The following TLE4 variants were observed in gnomAD, a reference collection of about 807,000 sequenced individuals.
TLE4 encodes the protein transducin-like enhancer protein 4.
TLE4 carries 8 observed loss-of-function variants against 92.8 expected under a neutral mutation model. The ratio of observed to expected loss-of-function variants is 0.09; its 90% confidence interval spans 0.05 to 0.16. The LOEUF is 0.16. TLE4 is among the 10% of genes least tolerant of loss of function. TLE4 has a pLI of 1.00. For synonymous variants in TLE4, 371 were observed against 374.1 expected, an observed-to-expected ratio of 0.99 and a Z score of 0.10; for missense variants, 675 against 997.6, an observed-to-expected ratio of 0.68 and a Z score of 4.36.
chr9:79,644,245 A>G (rs1008005198), intron 6 of TLE4, among the ~76,000 whole-genome samples: 4 of 152,068 alleles, frequency 2.6e-5, no homozygotes, highest in African/African-American at 7.2e-5. Context: ...CTGCCACGTG[A>G]AGAAGGGCAT....
intron 4 of TLE4, among the ~76,000 whole-genome samples, chr9:79,590,197 G>C (rs1044323290): frequency 1.3e-5 from 2 of 152,182 alleles, no homozygotes; most frequent in Admixed American, 1.3e-4. Flanking sequence ...AAAGTGGCTA[G>C]TGAAAAAACA....
intron 8 of TLE4, chr9:79,668,884 C>A: frequency 4.2e-6 from 4 of 959,014 alleles, no homozygotes; most frequent in Non-Finnish European, 5.0e-6. Flanking sequence ...AAAAGCATGT[C>A]AACAATGTAG....
intron 4 of TLE4, among the ~76,000 whole-genome samples, chr9:79,605,878 T>C (rs1271970217): frequency 1.3e-5 from 2 of 152,090 alleles, no homozygotes; most frequent in Non-Finnish European, 2.9e-5. Context: ...TTGACATTGC[T>C]TGTGGTATCA....
chr9:79,640,287 C>T (rs1449810918), intron 6 of TLE4, among the ~76,000 whole-genome samples: 2 of 151,880 alleles, frequency 1.3e-5, no homozygotes, highest in East Asian at 1.9e-4. Flanking sequence ...AAACAGGAAA[C>T]GAAGAAACAG....
At chr9:79,719,620 C>T (rs73652244) in intron 15 of TLE4, among the ~76,000 whole-genome samples, 7,376 of 152,154 alleles carry the variant, frequency 0.048, 438 homozygotes, top group African/African-American at 0.14. Flanking sequence ...CAGGGATCTA[C>T]CCCCTGAAAC....
chr9:79,634,767 T>C (rs1311031520), intron 6 of TLE4, among the ~76,000 whole-genome samples: 1 of 152,230 alleles, frequency 6.6e-6, no homozygotes, highest in African/African-American at 2.4e-5. Flanking sequence ...CCGAGGTTTC[T>C]TCTTTTACTT....
At chr9:79,603,577 A>G (rs377517151) in intron 4 of TLE4, among the ~76,000 whole-genome samples, 38 of 152,248 alleles carry the variant, frequency 2.5e-4, no homozygotes, top group African/African-American at 8.9e-4. Flanking sequence ...CATAACTTTT[A>G]TGTTTGTACT....
chr9:79,714,111 G>A (rs1240328208), intron 14 of TLE4, among the ~76,000 whole-genome samples: 4 of 151,974 alleles, frequency 2.6e-5, no homozygotes, highest in Non-Finnish European at 5.9e-5. Flanking sequence ...CATTCCCCTC[G>A]GCCTCCCAAA....
rs1013683322 is a variant in TLE4, at chr9:79,716,497, G to T, written c.1341-2225G>T. 4.6e-5 allele frequency among the ~76,000 whole-genome samples: 7 copies of T among 152,212 alleles called. No individual in the cohort carries two copies. In the East Asian group the frequency reaches 1.3e-3, roughly 29 times the overall value. On this transcript the variant is annotated intron_variant, in intron 14 of 19. Transcript: ENST00000376552. ...TGTTACCTGTTTTCCTCTCTAGGATGTAGACTAGTGGAAGGATAGGGACTT... is the reference window on the plus strand; with the variant it reads ...TGTTACCTGTTTTCCTCTCTAGGATTTAGACTAGTGGAAGGATAGGGACTT...
intron 5 of TLE4, among the ~76,000 whole-genome samples, chr9:79,623,857 G>T (rs920778482): frequency 2.6e-5 from 4 of 152,024 alleles, no homozygotes; most frequent in Non-Finnish European, 5.9e-5. Flanking sequence ...ATTTCATTTG[G>T]TGGTACTGGT....
chr9:79,594,127 C>T (rs933676090), intron 4 of TLE4, among the ~76,000 whole-genome samples: 1 of 152,170 alleles, frequency 6.6e-6, no homozygotes, highest in African/African-American at 2.4e-5. Flanking sequence ...TGATGTACAG[C>T]AAGGTTGAGG....
chr9:79,636,520 G>A (rs1053206426), intron 6 of TLE4, among the ~76,000 whole-genome samples: 3 of 152,002 alleles, frequency 2.0e-5, no homozygotes, highest in Non-Finnish European at 2.9e-5. Context: ...GTGTGTTCTC[G>A]ACTGAGGGTT....
chr9:79,711,702 C>G (rs1350814587), intron 14 of TLE4, among the ~76,000 whole-genome samples: 1 of 152,198 alleles, frequency 6.6e-6, no homozygotes, highest in Non-Finnish European at 1.5e-5. Context: ...CACAGCTGCT[C>G]TGACTCAGAT....
chr9:79,613,712 C>T lies in TLE4; in HGVS notation c.315+994C>T, dbSNP rs150700324. On this transcript the variant is annotated intron_variant, in intron 5 of 19. Transcript: ENST00000376552. Reference sequence around the variant, plus strand: ...GCTTTTCAGGAGAGAGGTTCATTCACCTGCTTGCCAGCGGGCATGTGCCAA... The same window carrying T: ...GCTTTTCAGGAGAGAGGTTCATTCATCTGCTTGCCAGCGGGCATGTGCCAA... Among the ~76,000 whole-genome samples the T allele has an allele frequency of 1.2e-4, 18 of 152,246 alleles. No individual in the cohort carries two copies. The East Asian group carries it at 3.5e-3, about 29-fold the overall frequency.
chr9:79,614,943 A>G (rs964355895), intron 5 of TLE4, among the ~76,000 whole-genome samples: 2 of 152,150 alleles, frequency 1.3e-5, no homozygotes, highest in Non-Finnish European at 2.9e-5. Context: ...ATGGTTTTCT[A>G]AATGCTAGTT....
chr9:79,679,328 G>A (rs1479740835), intron 8 of TLE4, among the ~76,000 whole-genome samples: 6 of 151,928 alleles, frequency 3.9e-5, no homozygotes, highest in African/African-American at 4.8e-5. Flanking sequence ...GGTGTGAGAT[G>A]GTATCTCATT....
chr9:79,628,898 G>GTGTA (rs919877740), intron 6 of TLE4, among the ~76,000 whole-genome samples: 2 of 151,852 alleles, frequency 1.3e-5, no homozygotes, highest in African/African-American at 4.8e-5. Context: ...GTGTGTGTGT[G>GTGTA]TGTGTGTGTG....
chr9:79,652,063 G>T (rs574006273), intron 6 of TLE4, among the ~76,000 whole-genome samples: 2 of 150,438 alleles, frequency 1.3e-5, no homozygotes, highest in South Asian at 4.3e-4. Flanking sequence ...TATTTATATT[G>T]CATGTGCAAA....
At chr9:79,624,798 G>A (rs1265603099) in intron 5 of TLE4, among the ~76,000 whole-genome samples, 5 of 152,162 alleles carry the variant, frequency 3.3e-5, no homozygotes. Context: ...CTAAGTAGAT[G>A]TATTTTCCAT....
Sources: gnomAD v4.1 joint callset for allele counts (sites outside exome capture counted in the v4.1 genomes callset) on GRCh38, gnomAD v4.1.1 for gene constraint, MANE v1.5 for transcripts, NCBI Gene and HGNC (gene_info 2026-07-23, HGNC 2026-07-21) for gene names.